NEDD4: variants seen among roughly 807,000 people sequenced by gnomAD.
NEDD4 encodes NEDD4 E3 ubiquitin protein ligase.
In NEDD4, 99 loss-of-function variants were observed where a neutral mutation model predicts 144.9. The ratio of observed to expected loss-of-function variants is 0.68; its 90% CI spans 0.58 to 0.81. The LOEUF is 0.81. Among genes scored for constraint, NEDD4 ranks in the 30% least tolerant of loss-of-function variants. The pLI, the probability that NEDD4 is intolerant of heterozygous loss-of-function variation, is 0.00. For missense variants in NEDD4, 985 were observed against 1,065.9 expected (o/e 0.92, Z 1.06); for synonymous variants, 318 against 350.6 (o/e 0.91, Z 1.04).
intron 5 of NEDD4, chr15:55,915,956 G>T (rs1185214663): frequency 1.2e-6 from 2 of 1,613,838 alleles, no homozygotes; most frequent in Non-Finnish European, 1.7e-6. Context: ...AAGTTTGATA[G>T]GATCCTTTGC....
rs746998179 is a variant in NEDD4 at position 55,840,682 on chromosome 15, G to A, written c.1884C>T (p.Asn628=). The A allele has an allele frequency of 5.1e-5, 82 of 1,613,902 alleles. 1 individual carries two copies. In the South Asian group the frequency reaches 7.8e-4, roughly 15 times the overall value. Residue 628 remains asparagine, a synonymous_variant, in exon 20 of 29, where the codon AAC becomes AAT. Coordinates refer to ENST00000435532, the MANE Select transcript of NEDD4 (RefSeq NM_006154.4). ...LQINPNSGLC[N]EDHLSYFKFI... is the part of the protein sequence containing the mutation. ...ACTTGAAGTAAGAGAGGTGATCTTC[G>A]TTACACAATCCAGAGTTTGGATTTA...
chr15:55,830,984 T>C (rs756116600), intron 27 of NEDD4, among the ~76,000 whole-genome samples: 1 of 152,186 alleles, frequency 6.6e-6, no homozygotes, highest in Non-Finnish European at 1.5e-5. Context: ...AATGGCATGA[T>C]CTCGGCTCAA....
At chr15:55,915,613 T>A (rs62043855) in intron 5 of NEDD4, 2 of 1,613,518 alleles carry the variant, frequency 1.2e-6, no homozygotes, top group South Asian at 1.1e-5. Context: ...GAATCAGAAT[T>A]AAGCTTAATT....
chr15:55,848,444 A>G lies in NEDD4; in HGVS notation c.1484-14T>C, dbSNP rs1389291652. On this transcript the variant is annotated splice_polypyrimidine_tract_variant and intron_variant, in intron 16 of 28. Transcript: ENST00000435532. ...TTCTTTTTATATCTGAAGGGAAGAA[A>G]AAGAAAAAAGATGTACTTTCTCACA... is the stretch of plus-strand genomic sequence containing the variant. 6.2e-7 allele frequency: 1 copy of G among 1,614,052 alleles called. No homozygotes were observed. Among genetic ancestry groups the G allele is most frequent in the Admixed American group, 1.7e-5 (1 of 60,022 alleles).
chr15:55,988,487 T>TAAAAAAAAAAAAAAAAAAAAAATAA (rs56688563), intron 1 of NEDD4, among the ~76,000 whole-genome samples: 1 of 101,710 alleles, frequency 9.8e-6, no homozygotes, highest in African/African-American at 4.1e-5. Flanking sequence ...AAAAAAAAAT[T>TAAAAAAAAAAAAAAAAAAAAAATAA]AAAAAAAAAA....
chr15:55,945,722 G>A (rs578132735), intron 4 of NEDD4, among the ~76,000 whole-genome samples: 5 of 152,098 alleles, frequency 3.3e-5, no homozygotes, highest in South Asian at 2.1e-4. Flanking sequence ...ATTCACCAAC[G>A]TTGAAATGAA....
intron 5 of NEDD4, among the ~76,000 whole-genome samples, chr15:55,912,065 TATAC>T: frequency 6.6e-6 from 1 of 152,194 alleles, no homozygotes; most frequent in Non-Finnish European, 1.5e-5. Flanking sequence ...TTCTAAGAAA[TATAC>T]ATGTACAAAT....
At chr15:55,916,287 G>T (rs1401044689) in intron 5 of NEDD4, 1 of 1,614,020 alleles carries the variant, frequency 6.2e-7, no homozygotes, top group Non-Finnish European at 8.5e-7. Flanking sequence ...GACACTGTTA[G>T]TATATGAACC....
chr15:55,970,402 T>C (rs955566935), intron 1 of NEDD4, among the ~76,000 whole-genome samples: 4 of 152,104 alleles, frequency 2.6e-5, no homozygotes, highest in South Asian at 2.1e-4. Context: ...TGAAGAGCCA[T>C]TGGGTCTTAA....
intron 4 of NEDD4, among the ~76,000 whole-genome samples, chr15:55,937,341 T>G (rs770309188): frequency 5.3e-5 from 8 of 152,156 alleles, no homozygotes; most frequent in Non-Finnish European, 7.3e-5. Flanking sequence ...ATAAAAATGA[T>G]GATATAAATG....
At chr15:55,878,314 GAATCAAT>G (rs1242433664) in intron 5 of NEDD4, among the ~76,000 whole-genome samples, 2 of 151,970 alleles carry the variant, frequency 1.3e-5, no homozygotes, top group African/African-American at 2.4e-5. Context: ...TCAATAATAT[GAATCAAT>G]AATAAACAGA....
At chr15:55,845,123 TCTC>T (rs1400347257) in intron 18 of NEDD4, among the ~76,000 whole-genome samples, 3 of 152,342 alleles carry the variant, frequency 2.0e-5, no homozygotes, top group Admixed American at 2.0e-4. Flanking sequence ...TTCTTAGCCT[TCTC>T]CTCTTCATGA....
At chr15:55,977,060 AGTCTG>A (rs2037714907) in intron 1 of NEDD4, among the ~76,000 whole-genome samples, 1 of 152,226 alleles carries the variant, frequency 6.6e-6, no homozygotes, top group African/African-American at 2.4e-5. Flanking sequence ...TCTCAGAAGA[AGTCTG>A]AGTGGGAGAA....
intron 13 of NEDD4, 98 bp from the exon 14 acceptor site, chr15:55,850,840 C>G (rs1034973053): frequency 9.8e-7 from 1 of 1,018,300 alleles, no homozygotes; most frequent in African/African-American, 1.6e-5. Flanking sequence ...AGAATACACA[C>G]CCTCCATTAA....
intron 1 of NEDD4, among the ~76,000 whole-genome samples, chr15:55,990,520 C>A (rs1487777874): frequency 6.6e-6 from 1 of 152,284 alleles, no homozygotes; most frequent in Admixed American, 6.5e-5. Context: ...TTACCAGATA[C>A]TGGAATACTT....
At chr15:55,992,110 T>C (rs893576748) in intron 1 of NEDD4, 2 of 152,200 alleles carry the variant, frequency 1.3e-5, no homozygotes, top group African/African-American at 4.8e-5. Context: ...CAGGGAAATC[T>C]GACTGATAAG....
rs141916786 is a variant in NEDD4 at position 55,842,096 on chromosome 15, C to A, written c.1676G>T (p.Arg559Ile). 4 of 1,614,146 alleles carry A rather than the reference C, an allele frequency of 2.5e-6. No individual in the cohort carries two copies. The highest frequency in any genetic ancestry group is 2.5e-6 in the Non-Finnish European group (3 of 1,180,026). ...GTCTGCTCTCTTGACACCCATAATTCTCCGGTAAGAGTCTTCAAGAACAGT... is the reference window on the plus strand; with the variant it reads ...GTCTGCTCTCTTGACACCCATAATTATCCGGTAAGAGTCTTCAAGAACAGT... ...RATVLEDSYR[R>I]IMGVKRADFL... Residue 559 changes from arginine (R) to isoleucine (I), a missense_variant, in exon 19 of 29, where the codon AGA becomes ATA. Coordinates refer to ENST00000435532, the MANE Select transcript of NEDD4 (RefSeq NM_006154.4).
rs1160339447 is a variant in NEDD4 at position 55,856,115 on chromosome 15, A to AAG, written c.1026+15_1026+16insCT. On this transcript the variant is annotated intron_variant, in intron 12 of 28. Coordinates refer to ENST00000435532, the MANE Select transcript of NEDD4 (RefSeq NM_006154.4). ...TTTTATATTTTTATTGATTGATGGG[A>AAG]GAGGGTAAAACTCACCACAGGAAGT... The AAG allele has an allele frequency of 7.5e-6, 12 of 1,600,964 alleles. No individual in the cohort carries two copies. The African/African-American group carries it at 1.6e-4, about 21-fold the overall frequency.
At chr15:55,939,059 T>C (rs998988720) in intron 4 of NEDD4, among the ~76,000 whole-genome samples, 23 of 152,126 alleles carry the variant, frequency 1.5e-4, no homozygotes, top group African/African-American at 5.3e-4. Context: ...TAAGCCATGA[T>C]TGTGCCACTG....
Sources: allele counts gnomAD v4.1 joint callset (sites outside exome capture counted in the v4.1 genomes callset), GRCh38; gene constraint gnomAD v4.1.1; transcripts MANE v1.5; gene names NCBI Gene and HGNC (gene_info 2026-07-23, HGNC 2026-07-21).